Variants in AGPAT3 observed in about 807,000 individuals in gnomAD.
AGPAT3 encodes the protein 1-acyl-sn-glycerol-3-phosphate acyltransferase gamma.
In AGPAT3, 5 loss-of-function variants were observed where a neutral mutation model predicts 47.3. That is an observed-to-expected ratio of 0.11 (90% CI 0.06 to 0.22). AGPAT3 has a LOEUF of 0.22. AGPAT3 is among the 10% of genes least tolerant of loss of function. The probability of loss-of-function intolerance (pLI) is 1.00; values close to 1 mark genes in which losing one functional copy is unlikely to be tolerated. For missense variants in AGPAT3, 315 were observed against 493.0 expected (o/e 0.64, Z 3.42); for synonymous variants, 212 against 208.3 (o/e 1.02, Z -0.15).
chr21:43,870,859 A>G (rs1352968111), intron 1 of AGPAT3, among the ~76,000 whole-genome samples: 3 of 152,250 alleles, frequency 2.0e-5, no homozygotes, highest in Non-Finnish European at 2.9e-5. Flanking sequence ...GAATGCAGAC[A>G]TGAGGCCTAT....
In AGPAT3 at chr21:43,894,898, C is replaced by T. The variant is rs2086181156; in HGVS notation, c.-111-9059C>T. Among the ~76,000 whole-genome samples the T allele has an allele frequency of 2.0e-5, 3 of 152,016 alleles. 1 individual carries two copies. In the South Asian group the frequency reaches 6.2e-4, roughly 31 times the overall value. On this transcript the variant is annotated intron_variant, in intron 1 of 9. Transcript: ENST00000291572. ...CCTTTCTTTCCTGACCTGATTCGCA[C>T]CTCCTCTCTTTTTATCATCAACTCT...
chr21:43,935,967 A>AG (rs2087432003), intron 2 of AGPAT3, among the ~76,000 whole-genome samples: 1 of 152,226 alleles, frequency 6.6e-6, no homozygotes. Context: ...CGGAAGCCAG[A>AG]GTGTAGAACA....
chr21:43,975,198 G>A (rs1209172063), intron 7 of AGPAT3, among the ~76,000 whole-genome samples: 1 of 151,160 alleles, frequency 6.6e-6, no homozygotes, highest in Admixed American at 6.6e-5. Flanking sequence ...GTGCTAACGT[G>A]TGGTGTGTTC....
At chr21:43,936,507 A>G (rs2087453665) in intron 2 of AGPAT3, among the ~76,000 whole-genome samples, 1 of 152,248 alleles carries the variant, frequency 6.6e-6, no homozygotes, top group South Asian at 2.1e-4. Flanking sequence ...TTGTCTCCTC[A>G]TGTACAAGGA....
In AGPAT3 at chr21:43,877,703, CAAA is replaced by C. The variant is rs1207242893; in HGVS notation, c.-112+12359_-112+12361del. 2.6e-5 allele frequency among the ~76,000 whole-genome samples: 4 copies of C among 152,214 alleles called. No individual in the cohort carries two copies. In the East Asian group the frequency reaches 7.7e-4, roughly 29 times the overall value. ...GGGTGATCCGCCCGCCTTGGCTTTC[CAAA>C]GTGCTGGGATTACAGGCATGAGCCA... On this transcript the variant is annotated intron_variant, in intron 1 of 9. Coordinates refer to ENST00000291572, the MANE Select transcript of AGPAT3 (RefSeq NM_020132.5).
At chr21:43,923,202 G>A (rs1051048201) in intron 2 of AGPAT3, among the ~76,000 whole-genome samples, 1 of 150,756 alleles carries the variant, frequency 6.6e-6, no homozygotes, top group African/African-American at 2.4e-5. Context: ...TGTGCTGCAG[G>A]AAGGGACACT....
intron 2 of AGPAT3, among the ~76,000 whole-genome samples, chr21:43,957,543 G>A (rs1430644336): frequency 3.6e-5 from 5 of 138,070 alleles, no homozygotes; most frequent in Non-Finnish European, 7.8e-5. Flanking sequence ...CGGGGGTCTC[G>A]GGTTTCCCCC....
At chr21:43,865,459 A>G (rs1411795517) in intron 1 of AGPAT3, 114 bp downstream of exon 1, 1 of 145,390 alleles carries the variant, frequency 6.9e-6, no homozygotes, top group East Asian at 2.1e-4. Flanking sequence ...CAGCCGTCCG[A>G]CCTCGGGCCG....
rs905520861 is a variant in AGPAT3 at position 43,926,978 on chromosome 21, CAAAAAA to C, written c.-49+22977_-49+22982del. Among the ~76,000 whole-genome samples the C allele has an allele frequency of 9.3e-3, 509 of 54,468 alleles. 2 individuals carry two copies. The highest frequency in any genetic ancestry group is 0.028 in the African/African-American group (439 of 15,448). 35.7% of individuals were successfully genotyped at this position (54,468 alleles called of 152,430 possible). Reference sequence around the variant, plus strand: ...TAGGCGACAGAGGAAGACTCTGTCTCAAAAAAAAAAAAAAAAAAAAAAAGAGACAGG... The same window carrying C: ...TAGGCGACAGAGGAAGACTCTGTCTCAAAAAAAAAAAAAAAAAGAGACAGG... On this transcript the variant is annotated intron_variant, in intron 2 of 9. Coordinates refer to ENST00000291572, the MANE Select transcript of AGPAT3 (RefSeq NM_020132.5).
chr21:43,963,849 T>C (rs2088998414), intron 3 of AGPAT3, among the ~76,000 whole-genome samples: 1 of 151,782 alleles, frequency 6.6e-6, no homozygotes, highest in African/African-American at 2.4e-5. Flanking sequence ...AGGTGGAAGA[T>C]CCTCAATGTG....
At chr21:43,921,629 G>C (rs938541143) in intron 2 of AGPAT3, among the ~76,000 whole-genome samples, 2 of 152,212 alleles carry the variant, frequency 1.3e-5, no homozygotes, top group African/African-American at 4.8e-5. Context: ...TGTTTCCTGC[G>C]GGTGAGACTC....
chr21:43,958,789 ATG>A (rs1332770056), intron 2 of AGPAT3, among the ~76,000 whole-genome samples: 1 of 82,294 alleles, frequency 1.2e-5, no homozygotes, highest in Non-Finnish European at 2.4e-5. Context: ...TGTGTGGCAT[ATG>A]TGTGGTTTGC....
chr21:43,915,989 G>C (rs897061407), intron 2 of AGPAT3, among the ~76,000 whole-genome samples: 1 of 152,036 alleles, frequency 6.6e-6, no homozygotes, highest in African/African-American at 2.4e-5. Flanking sequence ...AAATTCTTCA[G>C]TTTTTACTTC....
intron 2 of AGPAT3, among the ~76,000 whole-genome samples, chr21:43,951,138 C>A (rs2088171990): frequency 6.6e-6 from 1 of 151,782 alleles, no homozygotes; most frequent in Non-Finnish European, 1.5e-5. Context: ...GCACACAAGG[C>A]CCTCCCGTGC....
At chr21:43,977,442 C>G (rs1485325599) in intron 7 of AGPAT3, among the ~76,000 whole-genome samples, 1 of 152,348 alleles carries the variant, frequency 6.6e-6, no homozygotes, top group East Asian at 1.9e-4. Context: ...CCGGTTAAAT[C>G]ACTCGTGGGC....
At position 43,934,981 on chromosome 21, in the gene AGPAT3, C is replaced by T. The variant is rs960279235; in HGVS notation, c.-48-24653C>T. Among the ~76,000 whole-genome samples, 19 of 150,424 alleles carry T rather than the reference C, an allele frequency of 1.3e-4. No individual in the cohort carries two copies. Among genetic ancestry groups the T allele is most frequent in the African/African-American group, 3.2e-4 (13 of 40,804 alleles). ...CTCACATGCCATTGACACGCCACCA[C>T]GCCACTTACGCCACCCACGCTACTA... is the stretch of plus-strand genomic sequence containing the variant. On this transcript the variant is annotated intron_variant, in intron 2 of 9. Transcript: ENST00000291572. The surrounding 1 kb of genome is among the most constrained non-coding windows in gnomAD (Gnocchi z 4.7).
At chr21:43,972,912 A>G (rs1255594543) in intron 7 of AGPAT3, among the ~76,000 whole-genome samples, 10 of 152,192 alleles carry the variant, frequency 6.6e-5, no homozygotes, top group East Asian at 1.9e-4. Context: ...AGCGGTCACT[A>G]TATGTGTTTC....
At chr21:43,882,744 G>T in intron 1 of AGPAT3, 1 of 152,516 alleles carries the variant, frequency 6.6e-6, no homozygotes, top group Non-Finnish European at 1.5e-5. Context: ...AGACTCAACT[G>T]GGTCAGAGGG....
intron 1 of AGPAT3, among the ~76,000 whole-genome samples, chr21:43,870,084 G>A (rs185769271): frequency 2.0e-4 from 31 of 152,290 alleles, no homozygotes; most frequent in Non-Finnish European, 1.8e-4. Context: ...TATGCGGCAC[G>A]GGCGGGCGGG....
Sources: gnomAD v4.1 joint callset for allele counts (sites outside exome capture counted in the v4.1 genomes callset) on GRCh38, gnomAD v4.1.1 for gene constraint, Gnocchi (gnomAD v3.1) non-coding constraint, MANE v1.5 for transcripts, NCBI Gene and HGNC (gene_info 2026-07-23, HGNC 2026-07-21) for gene names.